Variants in NKAIN3 observed in about 807,000 individuals in gnomAD.
NKAIN3 encodes the protein sodium/potassium-transporting ATPase subunit beta-1-interacting protein 3.
In NKAIN3, 25 loss-of-function variants were observed where a neutral mutation model predicts 30.2. The observed-to-expected ratio is 0.83, with a 90% CI of 0.60 to 1.16. The LOEUF (loss-of-function observed/expected upper bound fraction) is 1.16. NKAIN3 is among the 50% of genes most tolerant of loss of function. The pLI, the probability that NKAIN3 is intolerant of heterozygous loss-of-function variation, is 0.00. For synonymous variants in NKAIN3, 91 were observed against 89.6 expected (o/e 1.02, Z -0.09); for missense variants, 225 against 254.1 (o/e 0.89, Z 0.78).
chr8:62,744,439 A>G (rs1430652950), intron 3 of NKAIN3, among the ~76,000 whole-genome samples: 1 of 152,146 alleles, frequency 6.6e-6, no homozygotes, highest in Admixed American at 6.5e-5. Flanking sequence ...CTCTTGTTTT[A>G]TTTGTATAAT....
At chr8:62,418,678 G>A (rs1327649024) in intron 1 of NKAIN3, among the ~76,000 whole-genome samples, 3 of 152,114 alleles carry the variant, frequency 2.0e-5, no homozygotes, top group African/African-American at 7.2e-5. Context: ...TTCTGGGGAC[G>A]TGGTTACTAC....
At chr8:62,880,780 A>G (rs1268860100) in intron 4 of NKAIN3, among the ~76,000 whole-genome samples, 3 of 152,212 alleles carry the variant, frequency 2.0e-5, no homozygotes, top group Non-Finnish European at 2.9e-5. Context: ...GTCAACTATC[A>G]GAGTCCAAAA....
intron 3 of NKAIN3, among the ~76,000 whole-genome samples, chr8:62,619,371 CATG>C (rs1940940945): frequency 6.6e-6 from 1 of 152,192 alleles, no homozygotes; most frequent in Non-Finnish European, 1.5e-5. Context: ...GCTTCATCTG[CATG>C]ATAAAACTTT....
chr8:62,806,813 A>T (rs573455443), intron 4 of NKAIN3, among the ~76,000 whole-genome samples: 23 of 151,686 alleles, frequency 1.5e-4, no homozygotes, highest in African/African-American at 5.1e-4. Flanking sequence ...ATAATAATAA[A>T]AAATAAAATA....
At chr8:62,257,872 C>A (rs1481813520) in intron 1 of NKAIN3, among the ~76,000 whole-genome samples, 1 of 151,986 alleles carries the variant, frequency 6.6e-6, no homozygotes, top group African/African-American at 2.4e-5. Flanking sequence ...TTAATCAAAT[C>A]ATTTTCATTC....
intron 4 of NKAIN3, among the ~76,000 whole-genome samples, chr8:62,881,207 G>A (rs528961104): frequency 6.6e-6 from 1 of 152,230 alleles, no homozygotes; most frequent in East Asian, 1.9e-4. Flanking sequence ...TTGGACTAAT[G>A]TATAATGACC....
At chr8:62,387,886 A>C (rs778251895) in intron 1 of NKAIN3, among the ~76,000 whole-genome samples, 1 of 152,064 alleles carries the variant, frequency 6.6e-6, no homozygotes, top group African/African-American at 2.4e-5. Flanking sequence ...AAAGCAAAAA[A>C]CTCTGCTTAT....
At chr8:62,328,539 C>A (rs987892520) in intron 1 of NKAIN3, among the ~76,000 whole-genome samples, 2 of 151,964 alleles carry the variant, frequency 1.3e-5, no homozygotes, top group African/African-American at 4.8e-5. Flanking sequence ...TTTTCTCAGT[C>A]TTCTGGGAAG....
intron 5 of NKAIN3, among the ~76,000 whole-genome samples, chr8:62,931,511 G>A (rs1409840303): frequency 6.6e-6 from 1 of 152,212 alleles, no homozygotes; most frequent in East Asian, 1.9e-4. Flanking sequence ...TTTCTCTATA[G>A]TTAATTTCAT....
chr8:62,363,168 CTG>C (rs1563365565), intron 1 of NKAIN3, among the ~76,000 whole-genome samples: 1 of 152,196 alleles, frequency 6.6e-6, no homozygotes, highest in Non-Finnish European at 1.5e-5. Context: ...TAATTGAGCT[CTG>C]TTCTGCTGCA....
At position 62,317,366 on chromosome 8, in the gene NKAIN3, TG is replaced by T. The variant is rs540931957; in HGVS notation, c.54+68242del. On this transcript the variant is annotated intron_variant, in intron 1 of 6. Coordinates refer to ENST00000623646, the MANE Select transcript of NKAIN3 (RefSeq NM_001304533.3). The stretch of plus-strand genomic sequence containing the variant: ...TCCTTGCCCATGCCTATATCCTGAA[TG>T]GGTATTGCCTAGGTTTTCTTCTAGG... 9.0e-3 allele frequency among the ~76,000 whole-genome samples: 1,369 copies of T among 152,186 alleles called. 30 individuals are homozygous for T. Among genetic ancestry groups the T allele is most frequent in the African/African-American group, 0.031 (1,293 of 41,560 alleles).
intron 3 of NKAIN3, among the ~76,000 whole-genome samples, chr8:62,699,489 T>C (rs974306426): frequency 6.6e-6 from 1 of 152,226 alleles, no homozygotes; most frequent in African/African-American, 2.4e-5. Flanking sequence ...CTGTAGCTAA[T>C]TGGACAAACT....
chr8:62,368,668 TAC>T (rs374425867), intron 1 of NKAIN3, among the ~76,000 whole-genome samples: 1 of 152,086 alleles, frequency 6.6e-6, no homozygotes, highest in African/African-American at 2.4e-5. Context: ...ATCACAACCT[TAC>T]ACACACACAT....
At chr8:62,356,852 C>T (rs1030343393) in intron 1 of NKAIN3, among the ~76,000 whole-genome samples, 1 of 152,098 alleles carries the variant, frequency 6.6e-6, no homozygotes, top group East Asian at 1.9e-4. Flanking sequence ...TGGCTCATGC[C>T]TGTAATCCCA....
intron 3 of NKAIN3, among the ~76,000 whole-genome samples, chr8:62,595,900 A>T (rs546859733): frequency 1.8e-4 from 27 of 151,932 alleles, no homozygotes; most frequent in Non-Finnish European, 4.0e-4. Context: ...CCATTTGAAG[A>T]ACGATTTGTA....
intron 1 of NKAIN3, among the ~76,000 whole-genome samples, chr8:62,443,933 A>G (rs1805407097): frequency 6.6e-6 from 1 of 152,132 alleles, no homozygotes; most frequent in Admixed American, 6.5e-5. Flanking sequence ...TTTCATTTAT[A>G]TAAAGCTCTA....
In NKAIN3 at chr8:62,942,185, T is replaced by C. The variant is rs201903419; in HGVS notation, c.533-11717T>C. On this transcript the variant is annotated intron_variant, in intron 5 of 6. Transcript: ENST00000623646. ...AATAGCTGCAATATATATATATATA[T>C]ACACATATATATACACACATATATA... Among the ~76,000 whole-genome samples the C allele has an allele frequency of 9.1e-4, 72 of 79,516 alleles. 1 individual carries two copies. Among genetic ancestry groups the C allele is most frequent in the Non-Finnish European group, 8.0e-4 (31 of 38,904 alleles). The allele number at this position is 79,516 out of a possible 152,430, so 52.2% of individuals were successfully genotyped here.
chr8:62,725,528 C>A (rs115499074), intron 3 of NKAIN3, among the ~76,000 whole-genome samples: 5,415 of 152,150 alleles, frequency 0.036, 340 homozygotes, highest in African/African-American at 0.12. Context: ...ACTCTTTAAG[C>A]CATTTTGATC....
chr8:62,921,783 C>T (rs950904398), intron 5 of NKAIN3, among the ~76,000 whole-genome samples: 1 of 152,158 alleles, frequency 6.6e-6, no homozygotes, highest in African/African-American at 2.4e-5. Context: ...TGATAGAAAT[C>T]TGTCAACACC....
Sources: allele counts gnomAD v4.1 joint callset (sites outside exome capture counted in the v4.1 genomes callset), GRCh38; gene constraint gnomAD v4.1.1; transcripts MANE v1.5; gene names NCBI Gene and HGNC (gene_info 2026-07-23, HGNC 2026-07-21).